The following ZNF335 variants were observed in gnomAD, a reference collection of about 807,000 sequenced individuals.
ZNF335 encodes NRC-interacting factor 1.
Under a neutral mutation model 145.6 loss-of-function variants are expected in ZNF335, and 84 were observed. That is an observed-to-expected ratio of 0.58 (90% CI 0.48 to 0.69). The LOEUF is 0.69. Ranked by LOEUF, ZNF335 falls within the 30% of genes least tolerant of loss-of-function variation. The probability of loss-of-function intolerance (pLI) is 0.00; values close to 1 mark genes in which losing one functional copy is unlikely to be tolerated. For missense variants in ZNF335, 1,865 were observed against 1,809.7 expected (o/e 1.03, Z -0.55); for synonymous variants, 761 against 717.0 (o/e 1.06, Z -0.98).
Position 45,953,730 on chromosome 20 carries a change from G to C in ZNF335, c.2661C>G (p.Pro887=), listed in dbSNP as rs2083675085. ...GAGCTGATGTTCCCTCCTCCATAGG[G>C]GGTGCTGTGATGACACTGTAGCCAG... is the stretch of plus-strand genomic sequence containing the variant. ...GGTGYSVITA[P]PMEEGTSAPG... is the part of the protein sequence containing the mutation. The change falls in exon 18 of 28, where the codon CCC becomes CCG. Residue 887 remains proline (P), a synonymous_variant. Coordinates refer to ENST00000322927, the MANE Select transcript of ZNF335 (RefSeq NM_022095.4). 1 of 1,614,118 alleles carries C rather than the reference G, an allele frequency of 6.2e-7. No homozygotes were observed. Among genetic ancestry groups the C allele is most frequent in the East Asian group, 2.2e-5 (1 of 44,876 alleles).
Position 45,966,710 on chromosome 20 carries a change from C to T in ZNF335, c.955+784G>A, listed in dbSNP as rs3891343. Among the ~76,000 whole-genome samples the T allele has an allele frequency of 3.2e-4, 48 of 151,802 alleles. 1 individual carries two copies. The East Asian group carries it at 5.1e-3, about 16-fold the overall frequency. The stretch of plus-strand genomic sequence containing the variant: ...GGGATTGCAGGTGCCCGCCACCACA[C>T]CCAGCTAATTTTTTGTATTTTTAGT... On this transcript the variant is annotated intron_variant, in intron 6 of 27. Transcript: ENST00000322927.
chr20:45,954,995 G>A (rs1333724118), intron 17 of ZNF335, among the ~76,000 whole-genome samples: 4 of 152,082 alleles, frequency 2.6e-5, no homozygotes, highest in African/African-American at 9.6e-5. Context: ...CTGGACTCAA[G>A]CAATTCTCCT....
At position 45,960,317 on chromosome 20, in the gene ZNF335, C is replaced by T; in HGVS notation, c.1911G>A (p.Leu637=). 1.9e-6 allele frequency: 3 copies of T among 1,614,182 alleles called. No individual in the cohort carries two copies. Among genetic ancestry groups the T allele is most frequent in the Non-Finnish European group, 2.5e-6 (3 of 1,180,026 alleles). ...EFVCEDKKAL[L]NHQLSHVSDK... The stretch of plus-strand genomic sequence containing the variant: ...CACTGACGTGGGACAACTGGTGGTT[C>T]AGCAGTGCCTTCTTGTCTTCACAAA... The change falls in exon 14 of 28, where the codon CTG becomes CTA. Residue 637 remains leucine, a synonymous_variant. Coordinates refer to ENST00000322927, the MANE Select transcript of ZNF335 (RefSeq NM_022095.4).
chr20:45,968,351 C>T lies in ZNF335; in HGVS notation c.454G>A (p.Val152Met). 1 of 1,611,610 alleles carries T rather than the reference C, an allele frequency of 6.2e-7. No homozygotes were observed. The highest frequency in any genetic ancestry group is 8.5e-7 in the Non-Finnish European group (1 of 1,178,194). ...GCCCCGCCATCCTCAGCACTGGTCACAGTGATGCAGTCTGGGCAGAGATGG... is the reference window on the plus strand; with the variant it reads ...GCCCCGCCATCCTCAGCACTGGTCATAGTGATGCAGTCTGGGCAGAGATGG... ...GPDLIQNCITVTSAEDGGAET... is the reference protein window; with the variant it reads ...GPDLIQNCITMTSAEDGGAET... The change falls in exon 4 of 28, where the codon GTG becomes ATG. Residue 152 changes from valine to methionine, a missense_variant. By Grantham distance (21) the Val-to-Met change is conservative. Coordinates refer to ENST00000322927, the MANE Select transcript of ZNF335 (RefSeq NM_022095.4).
In ZNF335 at chr20:45,969,558, A is replaced by G; in HGVS notation, c.335T>C (p.Leu112Pro). Residue 112 changes from leucine to proline, a missense_variant, in exon 3 of 28, where the codon CTC becomes CCC. Transcript: ENST00000322927. Reference protein sequence around the residue: ...GPPALVHSSALPDPNMLVSDC... With the variant: ...GPPALVHSSAPPDPNMLVSDC... ...GGACACCAGCATGTTGGGGTCTGGG[A>G]GTGCACTAGAGTGCACAAGTGCTGG... The G allele has an allele frequency of 6.3e-7, 1 of 1,595,386 alleles. No individual in the cohort carries two copies. Among genetic ancestry groups the G allele is most frequent in the Non-Finnish European group, 8.6e-7 (1 of 1,164,990 alleles).
chr20:45,962,647 C>T (rs1452856447), intron 9 of ZNF335, among the ~76,000 whole-genome samples: 2 of 152,226 alleles, frequency 1.3e-5, no homozygotes, highest in African/African-American at 2.4e-5. Context: ...TTGGCCAGGC[C>T]GAGCCACAGT....
At chr20:45,971,529 C>T (rs1279652142) in intron 1 of ZNF335, 69 bp from the exon 2 acceptor site, 1 of 1,500,244 alleles carries the variant, frequency 6.7e-7, no homozygotes, top group African/African-American at 1.4e-5. Flanking sequence ...CACGGCCACC[C>T]ATTTGCACCC....
chr20:45,960,216 TTGACAGCCACATG>T lies in ZNF335; in HGVS notation c.1999_2011del (p.His667SerfsTer62), dbSNP rs1289301050. The T allele has an allele frequency of 6.2e-7, 1 of 1,614,088 alleles. No individual in the cohort carries two copies. The highest frequency in any genetic ancestry group is 8.5e-7 in the Non-Finnish European group (1 of 1,179,982). On this transcript the variant is annotated frameshift_variant, in exon 14 of 28. Coordinates refer to ENST00000322927, the MANE Select transcript of ZNF335 (RefSeq NM_022095.4). LOFTEE classifies it high-confidence loss of function. ...GGTGTGTCCAGCCTGACCTGTGTGC[TTGACAGCCACATG>T]GGACAGCAAGAAGTCCTCTCGGAAG...
chr20:45,952,670 CACA>C lies in ZNF335; in HGVS notation c.2739_2741del (p.Val914del). The C allele has an allele frequency of 1.2e-6, 2 of 1,613,762 alleles. No homozygotes were observed. Among genetic ancestry groups the C allele is most frequent in the Non-Finnish European group, 1.7e-6 (2 of 1,179,974 alleles). On this transcript the variant is annotated inframe_deletion, in exon 19 of 28. Transcript: ENST00000322927. ...TGCCAGCTTCTTTTAGGGTGTCACT[CACA>C]ACCACAGCCTGGGCTGCCTCTCCTG...
intron 17 of ZNF335, among the ~76,000 whole-genome samples, chr20:45,956,626 C>G (rs1319374384): frequency 1.3e-5 from 2 of 151,812 alleles, no homozygotes; most frequent in African/African-American, 4.8e-5. Flanking sequence ...GAACAGAACT[C>G]AAGTCTAGAA....
chr20:45,964,176 C>T lies in ZNF335; in HGVS notation c.1103-186G>A, dbSNP rs544500375. ...AGCATGGATACTACCGCCCAACAGC[C>T]GACATTCTGTCAGCACAGTAGGACC... On this transcript the variant is annotated intron_variant, in intron 7 of 27. Transcript: ENST00000322927. 1.0e-4 allele frequency: 67 copies of T among 654,316 alleles called. No individual in the cohort carries two copies. The African/African-American group carries it at 1.0e-3, about 10-fold the overall frequency. 40.5% of individuals were successfully genotyped at this position (654,316 alleles called of 1,614,324 possible). A position where few individuals can be genotyped will look rare whatever the true frequency, so the allele number is the denominator to read the frequency against.
intron 2 of ZNF335, 60 bp downstream of exon 2, chr20:45,971,150 T>C (rs947491870): frequency 2.1e-6 from 3 of 1,455,330 alleles, no homozygotes; most frequent in Admixed American, 2.6e-5. Context: ...TCCTCTTGGC[T>C]GTCAGGCACT....
chr20:45,950,488 CT>C lies in ZNF335; in HGVS notation c.3296del (p.Lys1099ArgfsTer53). 6.2e-7 allele frequency: 1 copy of C among 1,614,236 alleles called. No individual in the cohort carries two copies. ...DLRRHMLTHT[K>X]EKPFACHLCG... The stretch of plus-strand genomic sequence containing the variant: ...AGAGGTGGCATGCAAAAGGCTTCTC[CT>C]TTGTGTGAGTCAGCATGTGCCGACG... On this transcript the variant is annotated frameshift_variant, in exon 21 of 28. Transcript: ENST00000322927. LOFTEE classifies it high-confidence loss of function.
intron 15 of ZNF335, 120 bp from the exon 16 acceptor site, chr20:45,958,048 C>T: frequency 1.3e-6 from 1 of 762,420 alleles, no homozygotes; most frequent in Non-Finnish European, 2.2e-6. Context: ...TCTTCATAAC[C>T]ACTTTTCTTT....
Position 45,959,339 on chromosome 20 carries a change from G to A in ZNF335, c.2115C>T (p.Phe705=), listed in dbSNP as rs150873623. ...CAGGGTGGCGCCTCCCCCATTCCTC[G>A]AAGCTGCTTGCGTGTCGGCACCGTA... is the stretch of plus-strand genomic sequence containing the variant. ...LHVRCRHASS[F]EEWGRRHPEE... The change falls in exon 15 of 28, where the codon TTC becomes TTT. Residue 705 remains phenylalanine, a synonymous_variant. Transcript: ENST00000322927. 26 of 1,585,512 alleles carry A rather than the reference G, an allele frequency of 1.6e-5. No homozygotes were observed. Among genetic ancestry groups the A allele is most frequent in the African/African-American group, 9.5e-5 (7 of 73,636 alleles).
In ZNF335 at chr20:45,953,956, G is replaced by C. The variant is rs374842862; in HGVS notation, c.2443-8C>G. 1 of 1,572,524 alleles carries C rather than the reference G, an allele frequency of 6.4e-7. No individual in the cohort carries two copies. The highest frequency in any genetic ancestry group is 1.9e-5 in the Admixed American group (1 of 53,444). The stretch of plus-strand genomic sequence containing the variant: ...CGACTTCACCACAGCCACCTGCAAC[G>C]GCACCAGGGGGCGGGATGGGAGGCA... On this transcript the variant is annotated splice_region_variant and splice_polypyrimidine_tract_variant and intron_variant, in intron 17 of 27. Transcript: ENST00000322927.
chr20:45,956,132 T>G (rs974483894), intron 17 of ZNF335, among the ~76,000 whole-genome samples: 1 of 152,138 alleles, frequency 6.6e-6, no homozygotes, highest in African/African-American at 2.4e-5. Context: ...CCTGAAGAAA[T>G]TCTTCTGAAC....
chr20:45,953,853 G>T lies in ZNF335; in HGVS notation c.2538C>A (p.Leu846=), dbSNP rs773137112. The part of the protein sequence containing the change: ...PEGATPQVVT[L]HVAEPGGGAA... ...CACCGCCCCCTGGCTCTGCCACGTGGAGGGTGACCACCTGTGGAGTGGCAC... is the reference window on the plus strand; with the variant it reads ...CACCGCCCCCTGGCTCTGCCACGTGTAGGGTGACCACCTGTGGAGTGGCAC... The change falls in exon 18 of 28, where the codon CTC becomes CTA. Residue 846 remains leucine (L), a synonymous_variant. Transcript: ENST00000322927. 3.7e-6 allele frequency: 6 copies of T among 1,613,894 alleles called. No homozygotes were observed. Among genetic ancestry groups the T allele is most frequent in the African/African-American group, 2.7e-5 (2 of 74,936 alleles).
chr20:45,971,198 C>A lies in ZNF335; in HGVS notation c.201+12G>T, dbSNP rs767095298. ...CCTTGCCTCCACCCACGCCGTCCAG[C>A]CGGGTCCATACCTGAGAACGGCTGC... On this transcript the variant is annotated intron_variant, in intron 2 of 27. Coordinates refer to ENST00000322927, the MANE Select transcript of ZNF335 (RefSeq NM_022095.4). 1 of 1,525,118 alleles carries A rather than the reference C, an allele frequency of 6.6e-7. No homozygotes were observed. The highest frequency in any genetic ancestry group is 8.8e-7 in the Non-Finnish European group (1 of 1,137,762). The allele number at this position is 1,525,118 out of a possible 1,614,324, so 94.5% of individuals were successfully genotyped here. A position where few individuals can be genotyped will look rare whatever the true frequency, so the allele number is the denominator to read the frequency against.
Sources: allele counts gnomAD v4.1 joint callset (sites outside exome capture counted in the v4.1 genomes callset), GRCh38; gene constraint gnomAD v4.1.1; transcripts MANE v1.5; gene names NCBI Gene and HGNC (gene_info 2026-07-23, HGNC 2026-07-21).